CELF2: variants seen among roughly 807,000 people sequenced by gnomAD.
The protein encoded by CELF2 is CUG triplet repeat RNA-binding protein 2.
A neutral mutation model predicts 62.6 loss-of-function variants in CELF2; 8 were observed. That is an observed-to-expected ratio of 0.13 (90% CI 0.07 to 0.23). The LOEUF (loss-of-function observed/expected upper bound fraction) is 0.23, where lower values mean the gene tolerates loss of function less well. CELF2 is among the 10% of genes least tolerant of loss of function. The pLI is 1.00. For synonymous variants in CELF2, 258 were observed against 250.0 expected (o/e 1.03, Z -0.30); for missense variants, 333 against 671.0 (o/e 0.50, Z 5.56).
Position 10,993,344 on chromosome 10 carries a change from A to G in CELF2, c.89+73345A>G, listed in dbSNP as rs2053626854. ...TCAAAGCCATCACAAGAGGCATCTA[A>G]TTGAAGCTACTAGAAAGAGTAAATT... On this transcript the variant is annotated intron_variant, in intron 2 of 13. Coordinates refer to the CELF2 transcript ENST00000636488. The surrounding 1 kb of genome is among the most constrained non-coding windows in gnomAD (Gnocchi z 5.3). 1.3e-5 allele frequency among the ~76,000 whole-genome samples: 2 copies of G among 152,162 alleles called. No homozygotes were observed. Among genetic ancestry groups the G allele is most frequent in the African/African-American group, 4.8e-5 (2 of 41,446 alleles).
chr10:11,184,058 C>T (rs954038175), intron 2 of CELF2, among the ~76,000 whole-genome samples: 2 of 152,062 alleles, frequency 1.3e-5, no homozygotes, highest in African/African-American at 4.8e-5. Context: ...ACATTTTAGT[C>T]TTTGATCTAT....
the CELF2 span, among the ~76,000 whole-genome samples, chr10:10,720,389 C>T: frequency 1.3e-5 from 2 of 152,150 alleles, no homozygotes; most frequent in Non-Finnish European, 2.9e-5. Flanking sequence ...ATTGCCAGCA[C>T]CCCCTTTGGG....
intron 1 of CELF2, among the ~76,000 whole-genome samples, chr10:11,083,525 C>T (rs1377931580): frequency 6.6e-6 from 1 of 152,152 alleles, no homozygotes; most frequent in Non-Finnish European, 1.5e-5. Context: ...TAGCTTGGGT[C>T]TTCTATGAAA....
chr10:10,905,604 C>T (rs567112871), intron 1 of CELF2, among the ~76,000 whole-genome samples: 45 of 148,778 alleles, frequency 3.0e-4, no homozygotes, highest in Non-Finnish European at 3.6e-4. Flanking sequence ...AAGGGCTGGG[C>T]GTGGTGGCTC....
At chr10:10,873,347 C>T (rs1342413971) in intron 1 of CELF2, among the ~76,000 whole-genome samples, 1 of 152,132 alleles carries the variant, frequency 6.6e-6, no homozygotes, top group Non-Finnish European at 1.5e-5. Context: ...GGATGTTGAA[C>T]TTAAAATAAA....
chr10:11,001,347 G>A (rs1479028619), upstream of CELF2, among the ~76,000 whole-genome samples: 2 of 152,106 alleles, frequency 1.3e-5, no homozygotes, highest in African/African-American at 4.8e-5. Flanking sequence ...TATCAAAGAG[G>A]GAATCTGTTC....
At chr10:10,529,088 C>A in the CELF2 span, among the ~76,000 whole-genome samples, 1 of 152,166 alleles carries the variant, frequency 6.6e-6, no homozygotes, top group Admixed American at 6.5e-5. Flanking sequence ...AATATGTATG[C>A]TCATTAATGG....
upstream of CELF2, chr10:10,796,906 A>G (rs2054169596): frequency 9.1e-6 from 9 of 985,162 alleles, no homozygotes; most frequent in Non-Finnish European, 1.1e-5. Context: ...TGTACGAGGT[A>G]TGAAATTCTC....
rs1027783166 is a variant in CELF2 at position 11,267,028 on chromosome 10, C to T, written c.618+351C>T. Among the ~76,000 whole-genome samples, 2 of 152,180 alleles carry T rather than the reference C, an allele frequency of 1.3e-5. No homozygotes were observed. Among genetic ancestry groups the T allele is most frequent in the Non-Finnish European group, 2.9e-5 (2 of 68,016 alleles). On this transcript the variant is annotated intron_variant, in intron 6 of 12. Coordinates refer to ENST00000633077, the MANE Select transcript of CELF2 (RefSeq NM_001326342.2). The surrounding 1 kb of genome is among the most constrained non-coding windows in gnomAD (Gnocchi z 4.4). ...TCAAATACATTCCCCACACCGGGGT[C>T]GGTGCGGATGAAACAGTAACAGCCT...
At chr10:10,728,078 G>A in the CELF2 span, among the ~76,000 whole-genome samples, 1 of 151,940 alleles carries the variant, frequency 6.6e-6, no homozygotes, top group East Asian at 2.0e-4. Context: ...TCTCTGTCTA[G>A]AGATGACCTT....
At chr10:10,516,552 T>C in the CELF2 span, among the ~76,000 whole-genome samples, 2 of 152,126 alleles carry the variant, frequency 1.3e-5, no homozygotes, top group African/African-American at 4.8e-5. Context: ...ACAGATAAAC[T>C]GCAGCTGTTT....
chr10:10,621,243 C>CAAAAAAA, the CELF2 span, among the ~76,000 whole-genome samples: 1 of 45,340 alleles, frequency 2.2e-5, no homozygotes. Context: ...GACTCTGACT[C>CAAAAAAA]AAAAAAAAAA....
chr10:10,916,821 C>T (rs1181654137), intron 1 of CELF2, among the ~76,000 whole-genome samples: 1 of 152,116 alleles, frequency 6.6e-6, no homozygotes, highest in African/African-American at 2.4e-5. Context: ...CCACATTGGT[C>T]AGGCTGGTCT....
At position 11,191,107 on chromosome 10, in the gene CELF2, C is replaced by T. The variant is rs1042783442; in HGVS notation, c.271+25425C>T. ...CCTGAGGTTGGGCAAGCTGCTGGTC[C>T]TCTCTGAATCTGTTTTCTTGTCTGT... On this transcript the variant is annotated intron_variant, in intron 2 of 12. Coordinates refer to ENST00000633077, the MANE Select transcript of CELF2 (RefSeq NM_001326342.2). The surrounding 1 kb of genome is among the most constrained non-coding windows in gnomAD (Gnocchi z 4.1). Among the ~76,000 whole-genome samples, 5 of 152,200 alleles carry T rather than the reference C, an allele frequency of 3.3e-5. No homozygotes were observed. Among genetic ancestry groups the T allele is most frequent in the Non-Finnish European group, 7.3e-5 (5 of 68,034 alleles).
intron 1 of CELF2, among the ~76,000 whole-genome samples, chr10:11,101,190 G>A (rs1293107723): frequency 6.6e-6 from 1 of 152,178 alleles, no homozygotes; most frequent in Non-Finnish European, 1.5e-5. Context: ...TAGAGAGCTA[G>A]TTCGCTGAAA....
intron 2 of CELF2, among the ~76,000 whole-genome samples, chr10:11,176,785 G>A (rs945126023): frequency 1.3e-5 from 2 of 152,102 alleles, no homozygotes; most frequent in African/African-American, 4.8e-5. Flanking sequence ...CCATCAACAA[G>A]GCGTTACTTT....
At chr10:11,248,580 A>C (rs1345498353) in intron 3 of CELF2, among the ~76,000 whole-genome samples, 1 of 152,264 alleles carries the variant, frequency 6.6e-6, no homozygotes, top group African/African-American at 2.4e-5. Context: ...GGCCTAAGAA[A>C]AACCTATGTG....
chr10:10,595,415 C>G, the CELF2 span, among the ~76,000 whole-genome samples: 1 of 152,150 alleles, frequency 6.6e-6, no homozygotes, highest in African/African-American at 2.4e-5. Flanking sequence ...GCCAGAATGA[C>G]TCAGATTTGA....
At chr10:10,806,542 C>A (rs2055255758) in intron 1 of CELF2, among the ~76,000 whole-genome samples, 1 of 152,134 alleles carries the variant, frequency 6.6e-6, no homozygotes, top group Non-Finnish European at 1.5e-5. Flanking sequence ...AGCAGCAGCT[C>A]TGGGTGTAAT....
Sources: gnomAD v4.1 joint callset for allele counts (sites outside exome capture counted in the v4.1 genomes callset) on GRCh38, gnomAD v4.1.1 for gene constraint, Gnocchi (gnomAD v3.1) non-coding constraint, MANE v1.5 for transcripts, NCBI Gene and HGNC (gene_info 2026-07-23, HGNC 2026-07-21) for gene names.